PIBF1: variants seen among roughly 807,000 people sequenced by gnomAD.
The protein encoded by PIBF1 is progesterone-induced-blocking factor 1.
In PIBF1, 90 loss-of-function variants were observed where a neutral mutation model predicts 112.5. That is an observed-to-expected ratio of 0.80 (90% confidence interval 0.67 to 0.95). The LOEUF (loss-of-function observed/expected upper bound fraction) is 0.95, where lower values mean the gene tolerates loss of function less well. Among genes scored for constraint, PIBF1 ranks in the 40% least tolerant of loss-of-function variants. PIBF1 has a pLI of 0.00. For synonymous variants in PIBF1, 301 were observed against 288.6 expected (o/e 1.04, Z -0.44); for missense variants, 915 against 852.3 (o/e 1.07, Z -0.92).
intron 13 of PIBF1, among the ~76,000 whole-genome samples, chr13:72,921,888 A>G (rs2041307481): frequency 6.6e-6 from 1 of 152,202 alleles, no homozygotes; most frequent in Non-Finnish European, 1.5e-5. Flanking sequence ...TACTAGGCAC[A>G]ATTTGAGTTT....
intron 14 of PIBF1, among the ~76,000 whole-genome samples, chr13:72,950,356 G>GA (rs1185723660): frequency 2.0e-5 from 3 of 152,074 alleles, no homozygotes; most frequent in Non-Finnish European, 4.4e-5. Flanking sequence ...GATTTCCTTT[G>GA]AAAAATCTTA....
chr13:73,002,951 C>G (rs2043917147), intron 17 of PIBF1, among the ~76,000 whole-genome samples: 1 of 130,686 alleles, frequency 7.7e-6, no homozygotes, highest in African/African-American at 3.1e-5. Flanking sequence ...CCTCCACACT[C>G]CAGCCTGGAC....
At chr13:72,947,962 G>C (rs1437157102) in intron 14 of PIBF1, among the ~76,000 whole-genome samples, 1 of 152,058 alleles carries the variant, frequency 6.6e-6, no homozygotes, top group Non-Finnish European at 1.5e-5. Flanking sequence ...ATCATTCTCA[G>C]CAAACTAACA....
chr13:73,001,859 T>C (rs936636649), intron 17 of PIBF1, among the ~76,000 whole-genome samples: 27 of 152,130 alleles, frequency 1.8e-4, no homozygotes, highest in Non-Finnish European at 3.8e-4. Context: ...CCTGACCTCG[T>C]GATCTGCCCA....
chr13:72,980,812 A>G (rs1358309095), intron 16 of PIBF1, among the ~76,000 whole-genome samples: 1 of 151,992 alleles, frequency 6.6e-6, no homozygotes. Flanking sequence ...TCTCCAAAAA[A>G]AAAAAAGAAA....
chr13:72,897,476 C>T (rs1187563825), intron 11 of PIBF1, among the ~76,000 whole-genome samples: 2 of 152,176 alleles, frequency 1.3e-5, no homozygotes, highest in Non-Finnish European at 2.9e-5. Context: ...TCAGTACTAA[C>T]ATTAGATGTA....
intron 16 of PIBF1, among the ~76,000 whole-genome samples, chr13:72,994,695 C>T (rs1218667550): frequency 6.6e-6 from 1 of 152,132 alleles, no homozygotes; most frequent in South Asian, 2.1e-4. Context: ...ATCTGAAATA[C>T]GAGATGAAGC....
chr13:72,932,042 A>G (rs1412265274), intron 14 of PIBF1, among the ~76,000 whole-genome samples: 1 of 149,854 alleles, frequency 6.7e-6, no homozygotes, highest in Non-Finnish European at 1.5e-5. Context: ...CCCAGGGTCA[A>G]GGACTCCTCC....
At chr13:72,948,429 C>T (rs1175339330) in intron 14 of PIBF1, among the ~76,000 whole-genome samples, 1 of 152,042 alleles carries the variant, frequency 6.6e-6, no homozygotes, top group Non-Finnish European at 1.5e-5. Context: ...TCCATATGAC[C>T]ATTGGCATTT....
At chr13:72,972,659 G>A (rs1159394689) in intron 15 of PIBF1, among the ~76,000 whole-genome samples, 6 of 135,336 alleles carry the variant, frequency 4.4e-5, no homozygotes, top group South Asian at 2.8e-4. Flanking sequence ...GCGAGACTCC[G>A]TCTCAAAAAA....
At chr13:72,939,052 A>G (rs2041944835) in intron 14 of PIBF1, among the ~76,000 whole-genome samples, 1 of 152,148 alleles carries the variant, frequency 6.6e-6, no homozygotes, top group African/African-American at 2.4e-5. Context: ...TTCTTTATAT[A>G]TTCTGGACAC....
chr13:72,914,785 G>T (rs1163184920), intron 12 of PIBF1, among the ~76,000 whole-genome samples: 1 of 152,136 alleles, frequency 6.6e-6, no homozygotes, highest in Non-Finnish European at 1.5e-5. Context: ...TCACTATGTT[G>T]CCTAGAGTGA....
At chr13:72,816,104 G>C (rs941585249) in intron 5 of PIBF1, among the ~76,000 whole-genome samples, 1 of 152,004 alleles carries the variant, frequency 6.6e-6, no homozygotes, top group Admixed American at 6.6e-5. Flanking sequence ...GCAATGGTGG[G>C]GTCTGCTAGA....
chr13:72,788,915 A>G (rs1325541110), intron 2 of PIBF1, among the ~76,000 whole-genome samples: 1 of 152,176 alleles, frequency 6.6e-6, no homozygotes, highest in East Asian at 1.9e-4. Flanking sequence ...TGGCTTTATT[A>G]TAGTTTGTTA....
intron 10 of PIBF1, among the ~76,000 whole-genome samples, chr13:72,872,962 G>T (rs922637621): frequency 6.6e-6 from 1 of 152,128 alleles, no homozygotes; most frequent in Admixed American, 6.5e-5. Context: ...AATAAGTGGA[G>T]TAAGATATCA....
chr13:72,908,242 A>G (rs2040768025), intron 11 of PIBF1, among the ~76,000 whole-genome samples: 1 of 152,150 alleles, frequency 6.6e-6, no homozygotes, highest in Non-Finnish European at 1.5e-5. Context: ...TTAAATTCTA[A>G]CAAGCAAATG....
At chr13:72,944,307 C>T (rs888527297) in intron 14 of PIBF1, among the ~76,000 whole-genome samples, 5 of 151,778 alleles carry the variant, frequency 3.3e-5, no homozygotes, top group Non-Finnish European at 5.9e-5. Flanking sequence ...ATTAGCTGGG[C>T]GTGGTTGTGG....
chr13:72,843,748 C>G (rs2138254483), intron 9 of PIBF1, among the ~76,000 whole-genome samples: 1 of 152,242 alleles, frequency 6.6e-6, no homozygotes, highest in South Asian at 2.1e-4. Context: ...CAGCCCTGAC[C>G]AAGCTCAAAA....
chr13:72,934,216 G>A lies in PIBF1; in HGVS notation c.1833+2949G>A, dbSNP rs118086465. ...GATGAATGATTAGTATTAGATTGCT[G>A]TTATAACAATAGACTATTCATAATA... On this transcript the variant is annotated intron_variant, in intron 14 of 17. Transcript: ENST00000326291. Among the ~76,000 whole-genome samples, 1,157 of 152,194 alleles carry A rather than the reference G, an allele frequency of 7.6e-3. 14 individuals carry two copies. The highest frequency in any genetic ancestry group is 0.014 in the Middle Eastern group (4 of 294).
Sources: gnomAD v4.1 joint callset for allele counts (sites outside exome capture counted in the v4.1 genomes callset) on GRCh38, gnomAD v4.1.1 for gene constraint, MANE v1.5 for transcripts, NCBI Gene and HGNC (gene_info 2026-07-23, HGNC 2026-07-21) for gene names.